HDAC9: variants seen among roughly 807,000 people sequenced by gnomAD.
HDAC9 encodes the protein MEF-2 interacting transcription repressor (MITR) protein.
HDAC9 carries 41 observed loss-of-function variants against 139.4 expected under a neutral mutation model. The observed-to-expected ratio is 0.29, with a 90% confidence interval of 0.23 to 0.38. The LOEUF (loss-of-function observed/expected upper bound fraction) is 0.38, where lower values mean the gene tolerates loss of function less well. Among genes scored for constraint, HDAC9 ranks in the 10% least tolerant of loss-of-function variants. HDAC9 has a pLI of 1.00. For synonymous variants in HDAC9, 517 were observed against 476.2 expected, an observed-to-expected ratio of 1.09 and a Z score of -1.12; for missense variants, 1,147 against 1,297.0, an observed-to-expected ratio of 0.88 and a Z score of 1.78.
intron 2 of HDAC9, among the ~76,000 whole-genome samples, chr7:18,228,397 G>A (rs766819696): frequency 1.3e-5 from 2 of 151,008 alleles, no homozygotes; most frequent in Admixed American, 6.6e-5. Context: ...TATCTTAAAC[G>A]CCACATACCT....
chr7:18,523,836 A>C (rs1805879651), intron 2 of HDAC9, among the ~76,000 whole-genome samples: 1 of 152,120 alleles, frequency 6.6e-6, no homozygotes, highest in Admixed American at 6.6e-5. Context: ...AGGATTGTTA[A>C]GGTGAGGAAT....
At chr7:18,481,427 C>A (rs1795541483) in intron 1 of HDAC9, among the ~76,000 whole-genome samples, 2 of 152,214 alleles carry the variant, frequency 1.3e-5, no homozygotes, top group South Asian at 4.1e-4. Context: ...AAATAATGGA[C>A]CTTACTTACT....
In HDAC9 at chr7:18,870,502, T is replaced by C. The variant is rs902494438; in HGVS notation, c.2685-3976T>C. ...ATATCAGGGAGTATTGATGCTGATA[T>C]GTCCAATCATAGGAGATGTTAACTT... On this transcript the variant is annotated intron_variant, in intron 21 of 25. Transcript: ENST00000686413. 3.3e-5 allele frequency among the ~76,000 whole-genome samples: 5 copies of C among 152,322 alleles called. No individual in the cohort carries two copies. In the South Asian group the frequency reaches 6.2e-4, roughly 19 times the overall value.
intron 21 of HDAC9, among the ~76,000 whole-genome samples, chr7:18,865,084 C>T (rs535602205): frequency 3.7e-4 from 56 of 152,208 alleles, no homozygotes; most frequent in Middle Eastern, 3.4e-3. Flanking sequence ...AATTTGCTTC[C>T]ACCAGAAGAG....
intron 2 of HDAC9, among the ~76,000 whole-genome samples, chr7:18,189,208 C>T (rs568599663): frequency 6.6e-6 from 1 of 152,050 alleles, no homozygotes; most frequent in African/African-American, 2.4e-5. Flanking sequence ...ACGGATGAAG[C>T]TGGAAGCCAT....
intron 2 of HDAC9, among the ~76,000 whole-genome samples, chr7:18,284,319 T>A (rs1163482734): frequency 2.0e-5 from 3 of 152,134 alleles, no homozygotes; most frequent in Non-Finnish European, 2.9e-5. Flanking sequence ...ATTAGGCAAA[T>A]GATGGTTACA....
At chr7:18,703,326 T>C (rs1178106) in intron 12 of HDAC9, among the ~76,000 whole-genome samples, 70,195 of 151,980 alleles carry the variant, frequency 0.46, 19,164 homozygotes, top group African/African-American at 0.77. Context: ...CTTCCTATTT[T>C]CATCAAATTA....
At chr7:18,128,687 G>A (rs1435951498) in intron 1 of HDAC9, among the ~76,000 whole-genome samples, 9 of 152,054 alleles carry the variant, frequency 5.9e-5, no homozygotes, top group Admixed American at 5.9e-4. Flanking sequence ...CAAAACAGAT[G>A]TATTCAAAAA....
chr7:18,872,101 A>G (rs1798965965), intron 21 of HDAC9, among the ~76,000 whole-genome samples: 2 of 152,158 alleles, frequency 1.3e-5, no homozygotes, highest in African/African-American at 4.8e-5. Flanking sequence ...TTCTCATCAT[A>G]CTTCACTAAT....
intron 2 of HDAC9, among the ~76,000 whole-genome samples, chr7:18,544,686 G>T (rs112422726): frequency 8.5e-5 from 13 of 152,280 alleles, no homozygotes; most frequent in African/African-American, 2.9e-4. Flanking sequence ...TGAATTAAGA[G>T]AACAGGAGGA....
At chr7:18,317,245 TA>T (rs1340117655) in intron 1 of HDAC9, among the ~76,000 whole-genome samples, 3 of 151,824 alleles carry the variant, frequency 2.0e-5, no homozygotes, top group Non-Finnish European at 4.4e-5. Context: ...TCAGCCATAT[TA>T]AAAGACTCAT....
chr7:18,325,647 G>C (rs917957304), intron 1 of HDAC9: 3 of 151,674 alleles, frequency 2.0e-5, no homozygotes, highest in Non-Finnish European at 2.9e-5. Flanking sequence ...ACTTCAGTTC[G>C]TGGTAAAAAT....
At chr7:18,387,912 A>G (rs1786091124) in intron 1 of HDAC9, among the ~76,000 whole-genome samples, 1 of 151,504 alleles carries the variant, frequency 6.6e-6, no homozygotes, top group South Asian at 2.1e-4. Context: ...GTCTTAAAGT[A>G]GGTTACAGAG....
At chr7:18,515,389 T>TA (rs927234029) in intron 2 of HDAC9, among the ~76,000 whole-genome samples, 13 of 152,224 alleles carry the variant, frequency 8.5e-5, no homozygotes, top group Non-Finnish European at 1.8e-4. Context: ...AATTTTTTTT[T>TA]AGCTACTTGG....
At chr7:18,523,956 G>A (rs6944365) in intron 2 of HDAC9, among the ~76,000 whole-genome samples, 5,576 of 150,752 alleles carry the variant, frequency 0.037, 144 homozygotes, top group South Asian at 0.073. Context: ...ACCTGGACTG[G>A]CAGAATAAGC....
At chr7:18,796,511 C>T (rs1792812763) in intron 17 of HDAC9, among the ~76,000 whole-genome samples, 1 of 152,200 alleles carries the variant, frequency 6.6e-6, no homozygotes, top group South Asian at 2.1e-4. Flanking sequence ...CATAGACCTG[C>T]TCAGTGGAGC....
chr7:18,100,301 G>C (rs1420716748), intron 1 of HDAC9, among the ~76,000 whole-genome samples: 3 of 151,810 alleles, frequency 2.0e-5, no homozygotes, highest in African/African-American at 7.2e-5. Flanking sequence ...TGTTTCTTGT[G>C]CTTTGGGTTC....
intron 1 of HDAC9, among the ~76,000 whole-genome samples, chr7:18,366,543 T>C (rs910743806): frequency 7.9e-5 from 12 of 152,100 alleles, no homozygotes; most frequent in African/African-American, 2.9e-4. Flanking sequence ...GCTGATGAAC[T>C]TTTATATGGA....
chr7:18,708,778 G>T (rs1357344062), intron 12 of HDAC9, among the ~76,000 whole-genome samples: 1 of 152,076 alleles, frequency 6.6e-6, no homozygotes, highest in Admixed American at 6.6e-5. Flanking sequence ...TGTCTCTATG[G>T]ACTCTCCCAG....
Sources: allele counts gnomAD v4.1 joint callset (sites outside exome capture counted in the v4.1 genomes callset), GRCh38; gene constraint gnomAD v4.1.1; transcripts MANE v1.5; gene names NCBI Gene and HGNC (gene_info 2026-07-23, HGNC 2026-07-21).